FGFR3: variants seen among roughly 807,000 people sequenced by gnomAD.
The protein encoded by FGFR3 is FGFR-3.
FGFR3 carries 25 observed loss-of-function variants against 82.9 expected under a neutral mutation model. The ratio of observed to expected loss-of-function variants is 0.30; its 90% CI spans 0.22 to 0.42. The LOEUF (loss-of-function observed/expected upper bound fraction) is 0.42, where lower values mean the gene tolerates loss of function less well. Ranked by LOEUF, FGFR3 falls within the 10% of genes least tolerant of loss-of-function variation. The probability of loss-of-function intolerance (pLI) is 1.00; values close to 1 mark genes in which losing one functional copy is unlikely to be tolerated. For synonymous variants in FGFR3, 620 were observed against 516.0 expected, an observed-to-expected ratio of 1.20 and a Z score of -2.73; for missense variants, 1,026 against 1,161.0, an observed-to-expected ratio of 0.88 and a Z score of 1.69.
At chr4:1,797,553 C>T (rs776257153) in intron 2 of FGFR3, among the ~76,000 whole-genome samples, 11 of 152,230 alleles carry the variant, frequency 7.2e-5, no homozygotes, top group South Asian at 2.1e-4. Flanking sequence ...CAGACCAAAC[C>T]GGAACCAACC....
In FGFR3 at chr4:1,798,249, G is replaced by C. The variant is rs1413013267; in HGVS notation, c.110-1005G>C. Among the ~76,000 whole-genome samples, 20 of 151,850 alleles carry C rather than the reference G, an allele frequency of 1.3e-4. 1 individual carries two copies. The highest frequency in any genetic ancestry group is 1.2e-3 in the Admixed American group (18 of 15,278). ...ACCCCAGCTTCTCAGCCCCCAGGGA[G>C]GGGCCAGGGCTGCTGACCTGCCCTG... On this transcript the variant is annotated intron_variant, in intron 2 of 17. Transcript: ENST00000440486.
rs371271923 is a variant in FGFR3, at chr4:1,806,033, C to T, written c.1837-18C>T. 2.3e-5 allele frequency: 37 copies of T among 1,613,020 alleles called. No homozygotes were observed. Among genetic ancestry groups the T allele is most frequent in the Admixed American group, 8.3e-5 (5 of 59,998 alleles). ...AGAGGTGGAGAGGCTTCAGCCCTGC[C>T]TCCCACCCCTTCCCCAGTGCATCCA... On this transcript the variant is annotated intron_variant, in intron 13 of 17. Coordinates refer to ENST00000440486, the MANE Select transcript of FGFR3 (RefSeq NM_000142.5).
intron 4 of FGFR3, among the ~76,000 whole-genome samples, chr4:1,800,253 A>G (rs987353551): frequency 3.5e-4 from 48 of 137,056 alleles, no homozygotes; most frequent in African/African-American, 1.4e-3. Context: ...GGTGGCTGGC[A>G]GGAGGGTGGC....
Position 1,801,359 on chromosome 4 carries a change from G to T in FGFR3, c.446-8G>T, listed in dbSNP as rs868082562. 5 of 1,550,936 alleles carry T rather than the reference G, an allele frequency of 3.2e-6. No homozygotes were observed. The highest frequency in any genetic ancestry group is 3.5e-6 in the Non-Finnish European group (4 of 1,149,914). ...GGTCATGGCCTTCACACGCACCTCG[G>T]CCCGCAGGGGCCCCTTACTGGACAC... On this transcript the variant is annotated splice_region_variant and splice_polypyrimidine_tract_variant and intron_variant, in intron 4 of 17. Coordinates refer to ENST00000440486, the MANE Select transcript of FGFR3 (RefSeq NM_000142.5).
At chr4:1,798,836 C>T (rs1172728355) in intron 2 of FGFR3, among the ~76,000 whole-genome samples, 4 of 152,138 alleles carry the variant, frequency 2.6e-5, no homozygotes, top group Non-Finnish European at 2.9e-5. Context: ...CCCCTTTGCC[C>T]GCAGCACCTG....
intron 8 of FGFR3, among the ~76,000 whole-genome samples, 187 bp downstream of exon 8, chr4:1,804,023 G>GC (rs1300328175): frequency 1.3e-5 from 2 of 152,286 alleles, no homozygotes; most frequent in African/African-American, 2.4e-5. Context: ...TCCCAGAGGG[G>GC]CCCCCTCAGC....
chr4:1,798,875 C>T (rs1217376285), intron 2 of FGFR3, among the ~76,000 whole-genome samples: 1 of 152,186 alleles, frequency 6.6e-6, no homozygotes, highest in Non-Finnish European at 1.5e-5. Flanking sequence ...GTGAGACAAG[C>T]ATGGATTTTA....
At position 1,799,299 on chromosome 4, in the gene FGFR3, G is replaced by A. The variant is rs751554185; in HGVS notation, c.155G>A (p.Gly52Asp). 2 of 1,612,740 alleles carry A rather than the reference G, an allele frequency of 1.2e-6. No homozygotes were observed. Among genetic ancestry groups the A allele is most frequent in the East Asian group, 4.5e-5 (2 of 44,888 alleles). The change falls in exon 3 of 18, where the codon GGC (glycine) becomes GAC (aspartate). Residue 52 changes from glycine to aspartate, a missense_variant. Gly to Asp is a moderately conservative substitution (Grantham distance 94, BLOSUM62 -1). This residue lies in a region of FGFR3 where 226 missense variants were observed against 222.0 expected (regional missense o/e 1.02). Transcript: ENST00000440486. The part of the protein sequence containing the change: ...EPGQQEQLVF[G>D]SGDAVELSCP... The stretch of plus-strand genomic sequence containing the variant: ...GGCCAGCAGGAGCAGTTGGTCTTCG[G>A]CAGCGGGGATGCTGTGGAGCTGAGC...
chr4:1,806,011 G>C (rs1157713056), intron 13 of FGFR3, 40 bp from the exon 14 acceptor site: 1 of 1,612,642 alleles, frequency 6.2e-7, no homozygotes, highest in Non-Finnish European at 8.5e-7. Context: ...AGCGGGGAGA[G>C]GTGGAGAGGC....
chr4:1,794,811 C>T (rs1387499284), intron 2 of FGFR3, among the ~76,000 whole-genome samples: 2 of 151,796 alleles, frequency 1.3e-5, no homozygotes, highest in Non-Finnish European at 2.9e-5. Context: ...CGTACACCCG[C>T]AGCCGGCTCC....
rs780219690 is a variant in FGFR3 at position 1,806,529 on chromosome 4, C to G, written c.2031-17C>G. The G allele has an allele frequency of 1.2e-6, 2 of 1,612,802 alleles. No individual in the cohort carries two copies. Among genetic ancestry groups the G allele is most frequent in the African/African-American group, 1.3e-5 (1 of 74,888 alleles). ...CCTGGGAGTCTCAGGACAGCCTGAC[C>G]TCACCTTCCCCTGCAGCTGGTCCTT... On this transcript the variant is annotated splice_polypyrimidine_tract_variant and intron_variant, in intron 15 of 17. Transcript: ENST00000440486.
intron 9 of FGFR3, 60 bp from the exon 10 acceptor site, chr4:1,804,764 G>T: frequency 6.5e-7 from 1 of 1,546,228 alleles, no homozygotes; most frequent in Non-Finnish European, 8.7e-7. Context: ...CTGACCCCCG[G>T]CTGTACCTCC....
Position 1,804,869 on chromosome 4 carries a change from G to A in FGFR3, c.1312G>A (p.Val438Met), listed in dbSNP as rs1202003311. 1.9e-6 allele frequency: 3 copies of A among 1,550,112 alleles called. No individual in the cohort carries two copies. Among genetic ancestry groups the A allele is most frequent in the Non-Finnish European group, 8.7e-7 (1 of 1,146,940 alleles). The change falls in exon 10 of 18, where the codon GTG becomes ATG. Residue 438 changes from valine to methionine, a missense_variant. This residue lies in a region of FGFR3 where 256 missense variants were observed against 217.6 expected (regional missense o/e 1.18). Coordinates refer to ENST00000440486, the MANE Select transcript of FGFR3 (RefSeq NM_000142.5). ...NASMSSNTPL[V>M]RIARLSSGEG... ...GTCCATGAGCTCCAACACACCACTG[G>A]TGCGCATCGCAAGGCTGTCCTCAGG...
chr4:1,805,323 C>T (rs368744437), intron 10 of FGFR3, 32 bp from the exon 11 acceptor site: 1 of 1,608,148 alleles, frequency 6.2e-7, no homozygotes, highest in Non-Finnish European at 8.5e-7. Context: ...GGCGAGTTTG[C>T]ACACTCATGG....
chr4:1,806,633 G>T lies in FGFR3; in HGVS notation c.2118G>T (p.Leu706=), dbSNP rs1053654011. ...PGIPVEELFK[L]LKEGHRMDKP... is the part of the protein sequence containing the mutation. ...TCCCTGTGGAGGAGCTCTTCAAGCTGCTGAAGGAGGGCCACCGCATGGACA... is the reference window on the plus strand; with the variant it reads ...TCCCTGTGGAGGAGCTCTTCAAGCTTCTGAAGGAGGGCCACCGCATGGACA... The change falls in exon 16 of 18, where the codon CTG becomes CTT. Residue 706 remains leucine, a synonymous_variant. Coordinates refer to ENST00000440486, the MANE Select transcript of FGFR3 (RefSeq NM_000142.5). The T allele has an allele frequency of 6.2e-7, 1 of 1,613,000 alleles. No homozygotes were observed. The highest frequency in any genetic ancestry group is 8.5e-7 in the Non-Finnish European group (1 of 1,179,956).
At position 1,805,767 on chromosome 4, in the gene FGFR3, G is replaced by C. The variant is rs1474187970; in HGVS notation, c.1663G>C (p.Val555Leu). Residue 555 changes from valine to leucine, a missense_variant, in exon 13 of 18, where the codon GTG becomes CTG. Coordinates refer to ENST00000440486, the MANE Select transcript of FGFR3 (RefSeq NM_000142.5). ...CTQGGPLYVL[V>L]EYAAKGNLRE... Reference sequence around the variant, plus strand: ...GTCCCCAGGGCCCCTGTACGTGCTGGTGGAGTACGCGGCCAAGGGTAACCT... The same window carrying C: ...GTCCCCAGGGCCCCTGTACGTGCTGCTGGAGTACGCGGCCAAGGGTAACCT... The C allele has an allele frequency of 1.9e-6, 3 of 1,612,626 alleles. No individual in the cohort carries two copies. Among genetic ancestry groups the C allele is most frequent in the Non-Finnish European group, 1.7e-6 (2 of 1,179,792 alleles).
rs750932538 is a variant in FGFR3, at chr4:1,805,688, G to C, written c.1645+19G>C. ...CAGGGCGGTAGGTGCGGTAGCGGCG[G>C]TGGTGCCGGCTGGGCGGCCCTCCTG... On this transcript the variant is annotated intron_variant, in intron 12 of 17. Transcript: ENST00000440486. 1.9e-6 allele frequency: 3 copies of C among 1,611,284 alleles called. No homozygotes were observed. Among genetic ancestry groups the C allele is most frequent in the Non-Finnish European group, 2.5e-6 (3 of 1,178,882 alleles).
intron 7 of FGFR3, among the ~76,000 whole-genome samples, chr4:1,802,482 A>G (rs748525729): frequency 3.3e-5 from 5 of 152,034 alleles, no homozygotes; most frequent in Non-Finnish European, 7.4e-5. Flanking sequence ...CTTTGTTCCC[A>G]TGGCTGCCGG....
chr4:1,799,037 G>A (rs903739264), intron 2 of FGFR3, among the ~76,000 whole-genome samples: 10 of 152,214 alleles, frequency 6.6e-5, no homozygotes, highest in Non-Finnish European at 1.2e-4. Context: ...CTGTCACACC[G>A]AGGCAGACCG....
Sources: allele counts gnomAD v4.1 joint callset (sites outside exome capture counted in the v4.1 genomes callset), GRCh38; gene constraint gnomAD v4.1.1; regional missense constraint gnomAD v4.1.1; transcripts MANE v1.5; gene names NCBI Gene and HGNC (gene_info 2026-07-23, HGNC 2026-07-21).